RABGAP1L: variants seen among roughly 807,000 people sequenced by gnomAD.
RABGAP1L encodes RAB GTPase activating protein 1 like, also known as rab GTPase-activating protein 1-like.
A neutral mutation model predicts 137.7 loss-of-function variants in RABGAP1L; 63 were observed. The observed-to-expected ratio is 0.46, with a 90% CI of 0.37 to 0.56. RABGAP1L has a LOEUF of 0.56. RABGAP1L is among the 20% of genes least tolerant of loss of function. The pLI, the probability that RABGAP1L is intolerant of heterozygous loss-of-function variation, is 0.00. For synonymous variants in RABGAP1L, 431 were observed against 433.7 expected (o/e 0.99, Z 0.08); for missense variants, 1,095 against 1,244.0 (o/e 0.88, Z 1.80).
rs571664514 is a variant in RABGAP1L, at chr1:174,640,769, T to C, written c.1824+3281T>C. Among the ~76,000 whole-genome samples, 43 of 151,902 alleles carry C rather than the reference T, an allele frequency of 2.8e-4. 1 individual carries two copies. Among genetic ancestry groups the C allele is most frequent in the Non-Finnish European group, 6.2e-4 (42 of 67,914 alleles). On this transcript the variant is annotated intron_variant, in intron 14 of 25. Transcript: ENST00000681986. ...CTATTTGTCTCTTGTCTTATTGCAC[T>C]GACCACACCTTTAGTATAGCGTTCA...
At chr1:174,549,813 A>T (rs1011889453) in intron 13 of RABGAP1L, among the ~76,000 whole-genome samples, 3 of 152,210 alleles carry the variant, frequency 2.0e-5, no homozygotes, top group African/African-American at 7.2e-5. Flanking sequence ...GCTGCAGAAG[A>T]CAAGACAGTT....
At chr1:174,195,746 T>TC in intron 1 of RABGAP1L, among the ~76,000 whole-genome samples, 1 of 136,052 alleles carries the variant, frequency 7.4e-6, no homozygotes, top group African/African-American at 2.9e-5. Context: ...TTTCTTTCTT[T>TC]CTTTCTCTCT....
At chr1:174,652,703 G>T (rs1675631507) in intron 14 of RABGAP1L, among the ~76,000 whole-genome samples, 1 of 152,198 alleles carries the variant, frequency 6.6e-6, no homozygotes, top group Non-Finnish European at 1.5e-5. Context: ...CCAGATGCCA[G>T]CCGGAGCTCT....
intron 13 of RABGAP1L, among the ~76,000 whole-genome samples, chr1:174,540,992 C>T (rs1237560841): frequency 1.3e-5 from 2 of 152,082 alleles, no homozygotes; most frequent in Non-Finnish European, 2.9e-5. Context: ...TGTAGTTCTC[C>T]TTGAAGAGGT....
chr1:174,808,144 C>T (rs1439144462), intron 18 of RABGAP1L, among the ~76,000 whole-genome samples: 6 of 151,682 alleles, frequency 4.0e-5, no homozygotes, highest in African/African-American at 7.3e-5. Flanking sequence ...TCACCATGCC[C>T]GGCTAAAATT....
At chr1:174,871,833 T>A (rs1275244840) in intron 19 of RABGAP1L, among the ~76,000 whole-genome samples, 2 of 152,256 alleles carry the variant, frequency 1.3e-5, no homozygotes, top group African/African-American at 4.8e-5. Context: ...AGTGAAGCAT[T>A]ACTCATGTTT....
intron 13 of RABGAP1L, among the ~76,000 whole-genome samples, chr1:174,586,044 A>G (rs1449619270): frequency 6.6e-6 from 1 of 152,230 alleles, no homozygotes. Context: ...AAAGGAATAT[A>G]AATCATTCTA....
chr1:174,437,640 A>T (rs1046809275), intron 13 of RABGAP1L, among the ~76,000 whole-genome samples: 2 of 152,210 alleles, frequency 1.3e-5, no homozygotes, highest in African/African-American at 4.8e-5. Context: ...GTTGGAAAAC[A>T]CTCTGCAGGA....
Position 174,450,187 on chromosome 1 carries a change from C to T in RABGAP1L, c.1710+56042C>T, listed in dbSNP as rs1029931386. Reference sequence around the variant, plus strand: ...GTAATGCAGATGCAGGATACTCACCCAGCAGTGAGGTATTACTCTTAAGGG... The same window carrying T: ...GTAATGCAGATGCAGGATACTCACCTAGCAGTGAGGTATTACTCTTAAGGG... On this transcript the variant is annotated intron_variant, in intron 13 of 25. Transcript: ENST00000681986. Among the ~76,000 whole-genome samples, 13 of 152,144 alleles carry T rather than the reference C, an allele frequency of 8.5e-5. No individual in the cohort carries two copies. In the South Asian group the frequency reaches 1.7e-3, roughly 19 times the overall value.
chr1:174,266,702 T>C (rs961976298), intron 7 of RABGAP1L, among the ~76,000 whole-genome samples: 5 of 152,212 alleles, frequency 3.3e-5, no homozygotes, highest in African/African-American at 1.2e-4. Context: ...TTATTCACTT[T>C]ACTTACAGAT....
At chr1:174,419,326 G>A (rs1178738476) in intron 13 of RABGAP1L, among the ~76,000 whole-genome samples, 1 of 152,174 alleles carries the variant, frequency 6.6e-6, no homozygotes, top group Non-Finnish European at 1.5e-5. Flanking sequence ...ATCAGGCAAT[G>A]TCAACACTAC....
At chr1:174,322,673 G>C (rs1037855844) in intron 11 of RABGAP1L, among the ~76,000 whole-genome samples, 2 of 152,116 alleles carry the variant, frequency 1.3e-5, no homozygotes, top group African/African-American at 4.8e-5. Flanking sequence ...AAGTCACAGA[G>C]TTAAGCCCTT....
In RABGAP1L at chr1:174,600,773, T is replaced by A. The variant is rs563468905; in HGVS notation, c.1711-36602T>A. Among the ~76,000 whole-genome samples the A allele has an allele frequency of 2.6e-5, 4 of 152,280 alleles. No individual in the cohort carries two copies. In the East Asian group the frequency reaches 7.7e-4, roughly 29 times the overall value. Reference sequence around the variant, plus strand: ...GCTGCCTTCACAGGCTGGTGTTTAGTGTCTGCAGCTTTTCCAGGCACATGG... The same window carrying A: ...GCTGCCTTCACAGGCTGGTGTTTAGAGTCTGCAGCTTTTCCAGGCACATGG... On this transcript the variant is annotated intron_variant, in intron 13 of 25. Transcript: ENST00000681986.
chr1:174,941,679 C>A (rs1441383888), intron 19 of RABGAP1L, among the ~76,000 whole-genome samples: 1 of 127,976 alleles, frequency 7.8e-6, no homozygotes, highest in East Asian at 2.1e-4. Flanking sequence ...TCCTCCCCCA[C>A]CAAAACGAAA....
At chr1:174,653,526 AG>A (rs954805033) in intron 14 of RABGAP1L, among the ~76,000 whole-genome samples, 1 of 152,038 alleles carries the variant, frequency 6.6e-6, no homozygotes, top group Non-Finnish European at 1.5e-5. Context: ...TGGCTAGGGG[AG>A]GGAGTTCCCT....
chr1:174,693,824 A>G (rs983282295), intron 15 of RABGAP1L, among the ~76,000 whole-genome samples: 4 of 152,226 alleles, frequency 2.6e-5, no homozygotes, highest in African/African-American at 9.6e-5. Flanking sequence ...CTATAAGTAA[A>G]TTATTTTAAA....
intron 13 of RABGAP1L, among the ~76,000 whole-genome samples, chr1:174,543,489 C>T (rs551484823): frequency 5.3e-5 from 8 of 151,960 alleles, no homozygotes; most frequent in South Asian, 2.1e-4. Flanking sequence ...TATGTGTTTC[C>T]CTGCCTGTGA....
At chr1:174,420,636 T>C (rs1198424255) in intron 13 of RABGAP1L, among the ~76,000 whole-genome samples, 1 of 151,920 alleles carries the variant, frequency 6.6e-6, no homozygotes, top group Non-Finnish European at 1.5e-5. Flanking sequence ...TTTATGCTGC[T>C]TAGTTTTGTT....
chr1:174,435,497 T>G lies in RABGAP1L; in HGVS notation c.1710+41352T>G, dbSNP rs923846001. ...TTTTTCCCCAGAAGATTATTCAAAT[T>G]TTTCTAATACCATTTACTGAGAAAA... On this transcript the variant is annotated intron_variant, in intron 13 of 25. Transcript: ENST00000681986. Among the ~76,000 whole-genome samples, 18 of 152,286 alleles carry G rather than the reference T, an allele frequency of 1.2e-4. No individual in the cohort carries two copies. The East Asian group carries it at 3.5e-3, about 29-fold the overall frequency.
Sources: gnomAD v4.1 joint callset for allele counts (sites outside exome capture counted in the v4.1 genomes callset) on GRCh38, gnomAD v4.1.1 for gene constraint, MANE v1.5 for transcripts, NCBI Gene and HGNC (gene_info 2026-07-23, HGNC 2026-07-21) for gene names.